CNTN5: variants seen among roughly 807,000 people sequenced by gnomAD.
CNTN5 encodes contactin 5.
In CNTN5, 77 loss-of-function variants were observed where a neutral mutation model predicts 129.1. The observed-to-expected ratio is 0.60, with a 90% CI of 0.50 to 0.72. CNTN5 has a LOEUF of 0.72. Among genes scored for constraint, CNTN5 ranks in the 30% least tolerant of loss-of-function variants. The pLI, the probability that CNTN5 is intolerant of heterozygous loss-of-function variation, is 0.00. For synonymous variants in CNTN5, 509 were observed against 465.6 expected (o/e 1.09, Z -1.20); for missense variants, 1,478 against 1,328.8 (o/e 1.11, Z -1.75).
At position 99,480,788 on chromosome 11, in the gene CNTN5, G is replaced by A. The variant is rs1282731457; in HGVS notation, c.-70-75357G>A. Among the ~76,000 whole-genome samples, 6 of 152,082 alleles carry A rather than the reference G, an allele frequency of 3.9e-5. No individual in the cohort carries two copies. In the East Asian group the frequency reaches 1.2e-3, roughly 29 times the overall value. On this transcript the variant is annotated intron_variant, in intron 2 of 24. Transcript: ENST00000524871. ...TCACATTAGGACCTGATATGTTACA[G>A]GCCATGAGGTATTTCTGTGGCTTAC...
intron 1 of CNTN5, among the ~76,000 whole-genome samples, chr11:99,174,912 T>C (rs1435007573): frequency 3.3e-5 from 5 of 152,154 alleles, no homozygotes; most frequent in African/African-American, 9.6e-5. Context: ...AATTCATATA[T>C]AGTTATTAGC....
chr11:99,380,169 G>T (rs978418808), intron 2 of CNTN5, among the ~76,000 whole-genome samples: 2 of 151,726 alleles, frequency 1.3e-5, no homozygotes, highest in African/African-American at 4.8e-5. Flanking sequence ...GTATTCCTGT[G>T]GCCAAGTAAC....
rs1940642948 is a variant in CNTN5, at chr11:99,382,687, A to T, written c.-71+57203A>T. ...CTTATGACACAATCAGAGACAGGTG[A>T]TCTGGAAATATCCTATTTGGTTTCT... On this transcript the variant is annotated intron_variant, in intron 2 of 24. Coordinates refer to ENST00000524871, the MANE Select transcript of CNTN5 (RefSeq NM_014361.4). Among the ~76,000 whole-genome samples, 8 of 151,916 alleles carry T rather than the reference A, an allele frequency of 5.3e-5. No homozygotes were observed. The South Asian group carries it at 1.7e-3, about 32-fold the overall frequency.
chr11:99,437,365 A>G (rs1454915542), intron 2 of CNTN5, among the ~76,000 whole-genome samples: 4 of 152,178 alleles, frequency 2.6e-5, no homozygotes, highest in Non-Finnish European at 4.4e-5. Context: ...ATTTGACTTC[A>G]TACATTATTA....
intron 13 of CNTN5, among the ~76,000 whole-genome samples, chr11:100,151,616 A>G (rs891848638): frequency 2.0e-5 from 3 of 152,132 alleles, no homozygotes; most frequent in African/African-American, 7.2e-5. Context: ...GATATTACCA[A>G]CTTAAGTGTC....
intron 3 of CNTN5, among the ~76,000 whole-genome samples, chr11:99,583,252 G>A (rs1168063845): frequency 7.2e-5 from 11 of 152,188 alleles, no homozygotes; most frequent in Non-Finnish European, 1.5e-4. Flanking sequence ...GTGCCTCCCA[G>A]TTAGGCTACT....
At chr11:99,052,543 C>T (rs1864469964) in intron 1 of CNTN5, among the ~76,000 whole-genome samples, 1 of 151,888 alleles carries the variant, frequency 6.6e-6, no homozygotes, top group African/African-American at 2.4e-5. Flanking sequence ...TAGGTTTGTG[C>T]ATACAACACT....
At position 99,567,968 on chromosome 11, in the gene CNTN5, T is replaced by A. The variant is rs1949061357; in HGVS notation, c.55+11699T>A. Among the ~76,000 whole-genome samples the A allele has an allele frequency of 2.6e-5, 4 of 152,106 alleles. No individual in the cohort carries two copies. The South Asian group carries it at 8.3e-4, about 32-fold the overall frequency. ...ATTGTCACAAATTCCTGGGGTGATA[T>A]AAAATTAAACTATCAACTAAAAAGC... is the stretch of plus-strand genomic sequence containing the variant. On this transcript the variant is annotated intron_variant, in intron 3 of 24. Transcript: ENST00000524871.
At chr11:99,871,577 G>A (rs1350822545) in intron 6 of CNTN5, among the ~76,000 whole-genome samples, 1 of 151,932 alleles carries the variant, frequency 6.6e-6, no homozygotes, top group African/African-American at 2.4e-5. Context: ...GTCAGGTACT[G>A]GGAAAACGTG....
chr11:100,242,617 A>G (rs1053058538), intron 16 of CNTN5, among the ~76,000 whole-genome samples: 10 of 152,064 alleles, frequency 6.6e-5, no homozygotes, highest in African/African-American at 2.4e-4. Context: ...CTTGTAAACA[A>G]CCAGATCTCA....
At chr11:99,903,064 C>G (rs1354548052) in intron 6 of CNTN5, among the ~76,000 whole-genome samples, 2 of 151,972 alleles carry the variant, frequency 1.3e-5, no homozygotes, top group East Asian at 3.9e-4. Context: ...AGAAAAAATG[C>G]AAATCTATGT....
At chr11:99,992,679 C>T (rs1047358441) in intron 8 of CNTN5, among the ~76,000 whole-genome samples, 2 of 152,138 alleles carry the variant, frequency 1.3e-5, no homozygotes, top group Non-Finnish European at 2.9e-5. Flanking sequence ...GCTCTCTGTT[C>T]TGTAAGGTGC....
intron 1 of CNTN5, among the ~76,000 whole-genome samples, chr11:99,075,046 A>G (rs574986681): frequency 9.9e-5 from 15 of 152,238 alleles, no homozygotes; most frequent in Non-Finnish European, 7.4e-5. Context: ...AGACACTCAT[A>G]TAAAAACAGA....
chr11:100,182,120 G>A (rs1008395869), intron 13 of CNTN5, among the ~76,000 whole-genome samples: 4 of 152,066 alleles, frequency 2.6e-5, no homozygotes, highest in Admixed American at 6.6e-5. Context: ...GTAAATCAAT[G>A]CAGCAGAACA....
At chr11:99,260,861 A>G (rs1303281497) in intron 1 of CNTN5, among the ~76,000 whole-genome samples, 7 of 151,956 alleles carry the variant, frequency 4.6e-5, no homozygotes, top group Non-Finnish European at 8.8e-5. Flanking sequence ...TAGGAATCCT[A>G]CAAATGCTAT....
At chr11:99,159,727 A>C (rs1860514037) in intron 1 of CNTN5, among the ~76,000 whole-genome samples, 2 of 152,234 alleles carry the variant, frequency 1.3e-5, no homozygotes, top group Non-Finnish European at 2.9e-5. Flanking sequence ...AATTTTTAAA[A>C]ATTCAATGGC....
intron 3 of CNTN5, among the ~76,000 whole-genome samples, chr11:99,583,708 C>T (rs1949695801): frequency 6.6e-6 from 1 of 152,140 alleles, no homozygotes; most frequent in African/African-American, 2.4e-5. Context: ...ACCTGATTTT[C>T]CAGGTGCCGT....
chr11:99,708,478 T>G (rs1167929277), intron 3 of CNTN5, among the ~76,000 whole-genome samples: 1 of 151,668 alleles, frequency 6.6e-6, no homozygotes, highest in East Asian at 1.9e-4. Context: ...TAAATAAAAA[T>G]ATAAAAGTCG....
At chr11:99,276,507 T>C (rs1370959770) in intron 1 of CNTN5, among the ~76,000 whole-genome samples, 3 of 151,602 alleles carry the variant, frequency 2.0e-5, no homozygotes, top group African/African-American at 7.3e-5. Flanking sequence ...TGCTTTGTGA[T>C]CACTGGGCAA....
Sources: allele counts gnomAD v4.1 joint callset (sites outside exome capture counted in the v4.1 genomes callset), GRCh38; gene constraint gnomAD v4.1.1; transcripts MANE v1.5; gene names NCBI Gene and HGNC (gene_info 2026-07-23, HGNC 2026-07-21).